Variants in NMNAT3 observed in about 807,000 individuals in gnomAD.
The protein encoded by NMNAT3 is nicotinamide nucleotide adenylyltransferase 3.
Under a neutral mutation model 24.8 loss-of-function variants are expected in NMNAT3, and 21 were observed. That is an observed-to-expected ratio of 0.85 (90% confidence interval 0.60 to 1.22). NMNAT3 has a LOEUF of 1.22. Among genes scored for constraint, NMNAT3 ranks in the 50% most tolerant of loss-of-function variants. NMNAT3 has a pLI of 0.00. For missense variants in NMNAT3, 387 were observed against 436.6 expected (o/e 0.89, Z 1.01); for synonymous variants, 136 against 155.2 (o/e 0.88, Z 0.92).
Position 139,677,858 on chromosome 3 carries a change from G to C in NMNAT3, c.-294C>G, listed in dbSNP as rs2057985082. 1 of 152,248 alleles carries C rather than the reference G, an allele frequency of 6.6e-6. No homozygotes were observed. The highest frequency in any genetic ancestry group is 1.5e-5 in the Non-Finnish European group (1 of 68,088). 9.4% of individuals were successfully genotyped at this position (152,248 alleles called of 1,614,324 possible). A position where few individuals can be genotyped will look rare whatever the true frequency, so the allele number is the denominator to read the frequency against. ...AACGACGTTTGGTCTCGGGACTCAA[G>C]GCTGCCTCCGGCCCGGGCAGCCTCA... On this transcript the variant is annotated 5_prime_UTR_variant, in exon 1 of 7. Transcript: ENST00000643695.
At chr3:139,611,093 C>T (rs1027287289) in intron 3 of NMNAT3, among the ~76,000 whole-genome samples, 5 of 151,882 alleles carry the variant, frequency 3.3e-5, no homozygotes, top group East Asian at 1.9e-4. Flanking sequence ...GTTATCTTTA[C>T]GATGCAATTT....
intron 3 of NMNAT3, among the ~76,000 whole-genome samples, chr3:139,608,263 C>A (rs1185966464): frequency 6.6e-6 from 1 of 152,210 alleles, no homozygotes; most frequent in Non-Finnish European, 1.5e-5. Flanking sequence ...ATGGCCTGCT[C>A]AGAAGGGGCG....
chr3:139,597,538 A>G (rs2054537020), intron 3 of NMNAT3, among the ~76,000 whole-genome samples: 1 of 152,214 alleles, frequency 6.6e-6, no homozygotes, highest in East Asian at 1.9e-4. Flanking sequence ...TGCACCTAAG[A>G]TTATATTGTT....
At chr3:139,591,207 C>G (rs1048892151) in intron 3 of NMNAT3, among the ~76,000 whole-genome samples, 1 of 151,382 alleles carries the variant, frequency 6.6e-6, no homozygotes, top group Non-Finnish European at 1.5e-5. Flanking sequence ...AAAGGGGTGA[C>G]GGACGCACCT....
intron 3 of NMNAT3, among the ~76,000 whole-genome samples, chr3:139,591,116 C>T (rs886624212): frequency 2.7e-5 from 4 of 150,784 alleles, no homozygotes; most frequent in Admixed American, 2.0e-4. Context: ...GTGTGCGCAC[C>T]GTGCGCGAGC....
In NMNAT3 at chr3:139,662,552, G is replaced by A. The variant is rs1396939066; in HGVS notation, c.-141+15153C>T. Among the ~76,000 whole-genome samples the A allele has an allele frequency of 2.6e-5, 4 of 152,140 alleles. No individual in the cohort carries two copies. In the East Asian group the frequency reaches 5.8e-4, roughly 22 times the overall value. ...GGTGATGGCCAGGCAGAAGCTCAGGGGTCAAAGAGAGGCCCACATCCTACC... is the reference window on the plus strand; with the variant it reads ...GGTGATGGCCAGGCAGAAGCTCAGGAGTCAAAGAGAGGCCCACATCCTACC... On this transcript the variant is annotated intron_variant, in intron 1 of 6. Transcript: ENST00000643695.
intron 1 of NMNAT3, among the ~76,000 whole-genome samples, chr3:139,656,719 G>A (rs1250918389): frequency 1.3e-5 from 2 of 152,128 alleles, no homozygotes; most frequent in Non-Finnish European, 2.9e-5. Context: ...TTGAGCCCAC[G>A]AGGTTGAGGT....
intron 1 of NMNAT3, among the ~76,000 whole-genome samples, chr3:139,655,304 G>T (rs1203937913): frequency 6.6e-6 from 1 of 152,168 alleles, no homozygotes; most frequent in Non-Finnish European, 1.5e-5. Flanking sequence ...TTATGCAAGA[G>T]AGTGATCAGT....
intron 3 of NMNAT3, among the ~76,000 whole-genome samples, chr3:139,596,427 T>A (rs2054462886): frequency 6.6e-6 from 1 of 152,232 alleles, no homozygotes; most frequent in Non-Finnish European, 1.5e-5. Context: ...AAACTGCTTT[T>A]TTTTCCCTTC....
Position 139,560,848 on chromosome 3 carries a change from G to C in NMNAT3, c.*162C>G, listed in dbSNP as rs566195622. 15 of 662,746 alleles carry C rather than the reference G, an allele frequency of 2.3e-5. No individual in the cohort carries two copies. In the East Asian group the frequency reaches 4.0e-4, roughly 17 times the overall value. The allele number at this position is 662,746 out of a possible 1,614,324, so 41.1% of individuals were successfully genotyped here. On this transcript the variant is annotated 3_prime_UTR_variant, in exon 7 of 7. Coordinates refer to ENST00000643695, the MANE Select transcript of NMNAT3 (RefSeq NM_001320510.2). ...AGACCTTTCCTCTCCTGTAAAGAAG[G>C]TATCTCTTCCTGGGACAGAAGACTC...
chr3:139,630,992 G>T (rs1402144459), intron 2 of NMNAT3, among the ~76,000 whole-genome samples: 1 of 152,090 alleles, frequency 6.6e-6, no homozygotes, highest in African/African-American at 2.4e-5. Flanking sequence ...GGTAACCTGG[G>T]GCTCTCATCC....
chr3:139,581,272 G>A (rs1940134084), intron 4 of NMNAT3, among the ~76,000 whole-genome samples: 1 of 149,142 alleles, frequency 6.7e-6, no homozygotes, highest in South Asian at 2.2e-4. Context: ...GGTCAATTAG[G>A]GAAATTTGAA....
At chr3:139,645,014 C>A (rs962229033) in intron 1 of NMNAT3, among the ~76,000 whole-genome samples, 8 of 152,180 alleles carry the variant, frequency 5.3e-5, no homozygotes, top group Non-Finnish European at 1.2e-4. Context: ...CTAGCCTGAA[C>A]AAAATGGTGA....
chr3:139,564,181 G>C (rs960379911), intron 6 of NMNAT3, among the ~76,000 whole-genome samples: 1 of 152,162 alleles, frequency 6.6e-6, no homozygotes, highest in Non-Finnish European at 1.5e-5. Flanking sequence ...GAAGTTATGG[G>C]AATTGAGTGA....
At chr3:139,596,950 ATATATATATATATATT>A (rs1473712421) in intron 3 of NMNAT3, among the ~76,000 whole-genome samples, 37 of 75,304 alleles carry the variant, frequency 4.9e-4, no homozygotes, top group Non-Finnish European at 7.2e-4. Context: ...ATATATATAT[ATATATATATATATATT>A]TTTATTACAT....
chr3:139,587,282 C>T (rs1201726210), intron 3 of NMNAT3, among the ~76,000 whole-genome samples: 2 of 152,096 alleles, frequency 1.3e-5, no homozygotes, highest in Non-Finnish European at 2.9e-5. Flanking sequence ...GGGCTACTAG[C>T]GGGTAGATAC....
intron 1 of NMNAT3, among the ~76,000 whole-genome samples, chr3:139,658,215 C>T (rs1401079305): frequency 6.6e-6 from 1 of 152,136 alleles, no homozygotes; most frequent in African/African-American, 2.4e-5. Context: ...GCCCAGCTAA[C>T]CCACCCTGGG....
At chr3:139,591,529 C>T (rs1249038278) in intron 3 of NMNAT3, among the ~76,000 whole-genome samples, 1 of 152,046 alleles carries the variant, frequency 6.6e-6, no homozygotes, top group Non-Finnish European at 1.5e-5. Context: ...TACAGACAAA[C>T]AAAAAGACAG....
intron 2 of NMNAT3, chr3:139,636,637 T>C (rs925737003): frequency 5.9e-5 from 9 of 152,244 alleles, no homozygotes; most frequent in South Asian, 2.1e-4. Flanking sequence ...CTTTTCCAAA[T>C]AACAGCTGTG....
Sources: allele counts gnomAD v4.1 joint callset (sites outside exome capture counted in the v4.1 genomes callset), GRCh38; gene constraint gnomAD v4.1.1; transcripts MANE v1.5; gene names NCBI Gene and HGNC (gene_info 2026-07-23, HGNC 2026-07-21).